The following FAM220A variants were observed in gnomAD, a reference collection of about 807,000 sequenced individuals.
FAM220A encodes the protein family with sequence similarity 220 member A, also known as protein FAM220A.
For missense variants in FAM220A, 392 were observed against 321.6 expected (o/e 1.22, Z -1.68); for synonymous variants, 141 against 130.7 (o/e 1.08, Z -0.54).
At chr7:6,346,101 T>G (rs1020578054) in intron 1 of FAM220A, among the ~76,000 whole-genome samples, 7 of 151,922 alleles carry the variant, frequency 4.6e-5, no homozygotes, top group African/African-American at 1.4e-4. Context: ...GGATTGGAAA[T>G]CTAAAAATCT....
At chr7:6,337,175 G>A (rs940962446) in intron 1 of FAM220A, among the ~76,000 whole-genome samples, 4 of 151,676 alleles carry the variant, frequency 2.6e-5, no homozygotes, top group East Asian at 1.9e-4. Flanking sequence ...GCACTCAAGC[G>A]ACTCTCCTGT....
At chr7:6,346,203 C>T (rs1404770634) in intron 1 of FAM220A, among the ~76,000 whole-genome samples, 1 of 152,110 alleles carries the variant, frequency 6.6e-6, no homozygotes, top group Non-Finnish European at 1.5e-5. Flanking sequence ...CAGGCCTTCT[C>T]GTTTACCAGT....
intron 1 of FAM220A, among the ~76,000 whole-genome samples, chr7:6,340,410 C>A (rs375799210): frequency 6.6e-6 from 1 of 152,146 alleles, no homozygotes; most frequent in African/African-American, 2.4e-5. Flanking sequence ...TGTGTACAGA[C>A]ACAGCCCCAA....
chr7:6,332,970 T>C (rs1247420289), intron 1 of FAM220A, among the ~76,000 whole-genome samples: 1 of 151,648 alleles, frequency 6.6e-6, no homozygotes, highest in Non-Finnish European at 1.5e-5. Flanking sequence ...ACAAGCATGG[T>C]CAACATGGTG....
At chr7:6,339,387 G>C (rs561063452) in intron 1 of FAM220A, among the ~76,000 whole-genome samples, 8 of 152,166 alleles carry the variant, frequency 5.3e-5, no homozygotes, top group Non-Finnish European at 7.3e-5. Flanking sequence ...AGGATCGTTT[G>C]AGCCTAGGAG....
At position 6,330,590 on chromosome 7, in the gene FAM220A, G is replaced by T; in HGVS notation, c.565C>A (p.His189Asn). The part of the protein sequence containing the change: ...LGSELEPACL[H>N]SILSATLHVY... Reference sequence around the variant, plus strand: ...TGCAGCGTTGCAGACAGGATGGAGTGCAGGCAAGCGGGTTCCAACTCAGAG... The same window carrying T: ...TGCAGCGTTGCAGACAGGATGGAGTTCAGGCAAGCGGGTTCCAACTCAGAG... Residue 189 changes from histidine (H) to asparagine (N), a missense_variant, in exon 2 of 2, where the codon CAC becomes AAC. Transcript: ENST00000313324. 6.2e-7 allele frequency: 1 copy of T among 1,614,170 alleles called. No individual in the cohort carries two copies. Among genetic ancestry groups the T allele is most frequent in the South Asian group, 1.1e-5 (1 of 91,088 alleles).
rs560372473 is a variant in FAM220A, at chr7:6,346,053, G to A, written c.-82+2520C>T. ...CAATATACTGGGATTACAGGCATGA[G>A]ACACCATGCCCAGCCAAAGTTTGTT... On this transcript the variant is annotated intron_variant, in intron 1 of 1. Transcript: ENST00000313324. Among the ~76,000 whole-genome samples the A allele has an allele frequency of 2.6e-5, 4 of 152,272 alleles. No individual in the cohort carries two copies. The South Asian group carries it at 8.3e-4, about 32-fold the overall frequency.
Position 6,330,725 on chromosome 7 carries a change from GTCC to G in FAM220A, c.427_429del (p.Gly143del), listed in dbSNP as rs1218465951. 1 of 1,614,024 alleles carries G rather than the reference GTCC, an allele frequency of 6.2e-7. No homozygotes were observed. The highest frequency in any genetic ancestry group is 8.5e-7 in the Non-Finnish European group (1 of 1,180,038). On this transcript the variant is annotated inframe_deletion, in exon 2 of 2. Coordinates refer to ENST00000313324, the MANE Select transcript of FAM220A (RefSeq NM_001037163.2). ...ACCCGAGGCTCTCCTTTGGGGCACT[GTCC>G]TCTGTGGCCGTCAGTGGCCCTGGGC...
chr7:6,341,459 A>ATT lies in FAM220A; in HGVS notation c.-82+7113_-82+7114insAA, dbSNP rs1474941139. 8.7e-4 allele frequency among the ~76,000 whole-genome samples: 124 copies of ATT among 142,482 alleles called. 2 individuals carry two copies. In the South Asian group the frequency reaches 0.014, roughly 16 times the overall value. 93.5% of individuals were successfully genotyped at this position (142,482 alleles called of 152,430 possible). On this transcript the variant is annotated intron_variant, in intron 1 of 1. Coordinates refer to ENST00000313324, the MANE Select transcript of FAM220A (RefSeq NM_001037163.2). The stretch of plus-strand genomic sequence containing the variant: ...TCTGTCTCAAAAAAATAATAATAAT[A>ATT]ATTATTATTATTATTATGAGCACTG...
rs368772548 is a variant in FAM220A at position 6,334,093 on chromosome 7, A to G, written c.-81-2858T>C. Reference sequence around the variant, plus strand: ...TATCTCCTGACCTCGTGATCCGCCCACCTTGGCCTCCCAAAGTGCTGGGAT... The same window carrying G: ...TATCTCCTGACCTCGTGATCCGCCCGCCTTGGCCTCCCAAAGTGCTGGGAT... On this transcript the variant is annotated intron_variant, in intron 1 of 1. Transcript: ENST00000313324. 1.4e-3 allele frequency among the ~76,000 whole-genome samples: 204 copies of G among 150,644 alleles called. 1 individual carries two copies. In the South Asian group the frequency reaches 0.014, roughly 10 times the overall value.
At chr7:6,336,135 T>G (rs1285104850) in intron 1 of FAM220A, among the ~76,000 whole-genome samples, 1 of 146,174 alleles carries the variant, frequency 6.8e-6, no homozygotes, top group African/African-American at 2.6e-5. Flanking sequence ...ATAGCACCAC[T>G]GCACTCCAGC....
In FAM220A at chr7:6,334,135, C is replaced by T. The variant is rs190183741; in HGVS notation, c.-81-2900G>A. 2.4e-3 allele frequency among the ~76,000 whole-genome samples: 359 copies of T among 151,212 alleles called. 1 individual carries two copies. Among genetic ancestry groups the T allele is most frequent in the Non-Finnish European group, 4.7e-3 (316 of 67,716 alleles). On this transcript the variant is annotated intron_variant, in intron 1 of 1. Coordinates refer to ENST00000313324, the MANE Select transcript of FAM220A (RefSeq NM_001037163.2). ...TGCTGGGATTACAAGCGTGAGCCAC[C>T]GCACCCAGCCGAACTCCTGGTCTCT... is the stretch of plus-strand genomic sequence containing the variant.
intron 1 of FAM220A, among the ~76,000 whole-genome samples, chr7:6,342,681 A>G (rs1227231843): frequency 6.6e-6 from 1 of 152,186 alleles, no homozygotes; most frequent in East Asian, 1.9e-4. Context: ...ATTATTCACA[A>G]TAGCCAAAAA....
rs1158138088 is a variant in FAM220A at position 6,330,283 on chromosome 7, G to A, written c.*92C>T. ...GTACAAAACTACAGCAGGAACCTAAGGGCTGCACAGTTTGCATCCAGACTT... is the reference window on the plus strand; with the variant it reads ...GTACAAAACTACAGCAGGAACCTAAAGGCTGCACAGTTTGCATCCAGACTT... On this transcript the variant is annotated 3_prime_UTR_variant, in exon 2 of 2. Transcript: ENST00000313324. 1.6e-6 allele frequency: 2 copies of A among 1,230,150 alleles called. No homozygotes were observed. Among genetic ancestry groups the A allele is most frequent in the African/African-American group, 3.0e-5 (2 of 65,590 alleles). The allele number at this position is 1,230,150 out of a possible 1,614,324, so 76.2% of individuals were successfully genotyped here.
chr7:6,348,318 T>C (rs190041956), intron 1 of FAM220A, among the ~76,000 whole-genome samples: 2 of 152,010 alleles, frequency 1.3e-5, no homozygotes, highest in Non-Finnish European at 2.9e-5. Flanking sequence ...GCCCATGCAG[T>C]CTCGGACCCC....
Position 6,330,218 on chromosome 7 carries a change from C to T in FAM220A, c.*157G>A. On this transcript the variant is annotated 3_prime_UTR_variant, in exon 2 of 2. Transcript: ENST00000313324. ...AAAAAGTTCCTTCCGCATCAACTGG[C>T]TTTGAATTTAAACTCAATTTACTTT... 1.4e-6 allele frequency: 1 copy of T among 738,680 alleles called. No homozygotes were observed. Among genetic ancestry groups the T allele is most frequent in the Non-Finnish European group, 2.2e-6 (1 of 456,758 alleles). The allele number at this position is 738,680 out of a possible 1,614,324, so 45.8% of individuals were successfully genotyped here. A position where few individuals can be genotyped will look rare whatever the true frequency, so the allele number is the denominator to read the frequency against.
chr7:6,337,538 G>A (rs745574697), intron 1 of FAM220A, among the ~76,000 whole-genome samples: 6 of 151,656 alleles, frequency 4.0e-5, no homozygotes, highest in Non-Finnish European at 7.4e-5. Flanking sequence ...GTTCAGAAAG[G>A]TGAAACATTT....
chr7:6,335,426 G>C (rs927718220), intron 1 of FAM220A, among the ~76,000 whole-genome samples: 1 of 150,870 alleles, frequency 6.6e-6, no homozygotes, highest in African/African-American at 2.4e-5. Flanking sequence ...ATGGTGTTTC[G>C]CTATGTTGCC....
rs951493592 is a variant in FAM220A at position 6,348,884 on chromosome 7, G to T, written c.-393C>A. ...GGCGGCTAGACCGGCGGGCGGGCGG[G>T]CCGCAGTGGAGCGGAGTCCGCACGT... On this transcript the variant is annotated 5_prime_UTR_variant, in exon 1 of 2. Coordinates refer to ENST00000313324, the MANE Select transcript of FAM220A (RefSeq NM_001037163.2). The T allele has an allele frequency of 6.7e-5, 26 of 388,398 alleles. No homozygotes were observed. The highest frequency in any genetic ancestry group is 1.3e-3 in the Middle Eastern group (2 of 1,564). The allele number at this position is 388,398 out of a possible 1,614,324, so 24.1% of individuals were successfully genotyped here.
Sources: allele counts gnomAD v4.1 joint callset (sites outside exome capture counted in the v4.1 genomes callset), GRCh38; gene constraint gnomAD v4.1.1; transcripts MANE v1.5; gene names NCBI Gene and HGNC (gene_info 2026-07-23, HGNC 2026-07-21).